MAGI1: variants seen among roughly 807,000 people sequenced by gnomAD.
The protein encoded by MAGI1 is membrane associated guanylate kinase, WW and PDZ domain containing 1, also known as membrane-associated guanylate kinase, WW and PDZ domain-containing protein 1.
MAGI1 carries 58 observed loss-of-function variants against 139.9 expected under a neutral mutation model. That is an observed-to-expected ratio of 0.41 (90% confidence interval 0.34 to 0.52). The LOEUF is 0.52. Among genes scored for constraint, MAGI1 ranks in the 20% least tolerant of loss-of-function variants. The pLI is 0.12. For synonymous variants in MAGI1, 812 were observed against 737.9 expected (o/e 1.10, Z -1.63); for missense variants, 1,874 against 1,901.6 (o/e 0.99, Z 0.27).
chr3:65,559,188 A>G (rs1203054258), intron 2 of MAGI1, among the ~76,000 whole-genome samples: 1 of 152,250 alleles, frequency 6.6e-6, no homozygotes, highest in African/African-American at 2.4e-5. Flanking sequence ...GAAGCTGAGC[A>G]TCTAAGGAAA....
chr3:66,008,256 G>C (rs186074422), intron 1 of MAGI1, among the ~76,000 whole-genome samples: 35 of 152,248 alleles, frequency 2.3e-4, no homozygotes, highest in African/African-American at 8.2e-4. Flanking sequence ...GCATCACGTG[G>C]GAGTTTGTTA....
chr3:65,867,384 G>C (rs2059766454), intron 1 of MAGI1, among the ~76,000 whole-genome samples: 2 of 152,174 alleles, frequency 1.3e-5, no homozygotes. Flanking sequence ...TTCCTAAAAA[G>C]TTAAGCTCCA....
chr3:65,851,525 G>A (rs2059203279), intron 1 of MAGI1, among the ~76,000 whole-genome samples: 2 of 152,090 alleles, frequency 1.3e-5, no homozygotes. Flanking sequence ...GAGGTGGGCG[G>A]ATCACTTGAG....
chr3:65,988,863 A>G (rs1440448554), intron 1 of MAGI1, among the ~76,000 whole-genome samples: 3 of 152,192 alleles, frequency 2.0e-5, no homozygotes, highest in Non-Finnish European at 4.4e-5. Flanking sequence ...TATTAACAAT[A>G]TTTTTATGCC....
chr3:65,758,472 T>A (rs1166271433), intron 1 of MAGI1, among the ~76,000 whole-genome samples: 4 of 152,192 alleles, frequency 2.6e-5, no homozygotes, highest in Non-Finnish European at 5.9e-5. Context: ...AAACTGCCCA[T>A]ACATTCCCGT....
At chr3:65,606,205 A>C (rs1261034702) in intron 2 of MAGI1, among the ~76,000 whole-genome samples, 2 of 152,218 alleles carry the variant, frequency 1.3e-5, no homozygotes, top group African/African-American at 4.8e-5. Flanking sequence ...TCACAAAGCC[A>C]GAGGACAGAA....
At chr3:65,435,534 T>C (rs1947787176) in intron 10 of MAGI1, among the ~76,000 whole-genome samples, 1 of 151,978 alleles carries the variant, frequency 6.6e-6, no homozygotes, top group African/African-American at 2.4e-5. Context: ...CACTCAATAA[T>C]AATGTCATCA....
At chr3:65,855,831 T>A (rs969004209) in intron 1 of MAGI1, among the ~76,000 whole-genome samples, 3 of 151,530 alleles carry the variant, frequency 2.0e-5, no homozygotes, top group African/African-American at 7.3e-5. Flanking sequence ...AAATGTGAAA[T>A]GAAGCCCTTC....
intron 4 of MAGI1, among the ~76,000 whole-genome samples, chr3:65,471,830 G>A (rs1950576624): frequency 6.6e-6 from 1 of 152,196 alleles, no homozygotes; most frequent in Non-Finnish European, 1.5e-5. Context: ...GAAGCCAGAG[G>A]TGGTCGCTTG....
chr3:65,775,450 A>G (rs189980066), intron 1 of MAGI1, among the ~76,000 whole-genome samples: 2 of 86,064 alleles, frequency 2.3e-5, no homozygotes, highest in African/African-American at 3.5e-5. Flanking sequence ...CCTTCTCTGG[A>G]AAAAAAAAAA....
chr3:65,819,559 A>T (rs2041815095), intron 1 of MAGI1, among the ~76,000 whole-genome samples: 1 of 151,926 alleles, frequency 6.6e-6, no homozygotes, highest in African/African-American at 2.4e-5. Flanking sequence ...AAATGCTGAA[A>T]TCCACCCCAG....
chr3:65,439,130 T>C (rs565253138), intron 9 of MAGI1, among the ~76,000 whole-genome samples: 2 of 152,222 alleles, frequency 1.3e-5, no homozygotes, highest in African/African-American at 4.8e-5. Flanking sequence ...AATAAACAAA[T>C]GGCTAAATAA....
intron 1 of MAGI1, among the ~76,000 whole-genome samples, chr3:65,766,838 G>A (rs1036643026): frequency 2.0e-5 from 3 of 151,762 alleles, no homozygotes; most frequent in East Asian, 2.0e-4. Context: ...GCAGTGAGCC[G>A]AGATCACACC....
intron 2 of MAGI1, among the ~76,000 whole-genome samples, chr3:65,602,595 TA>T (rs1339764321): frequency 6.6e-6 from 1 of 152,100 alleles, no homozygotes; most frequent in Non-Finnish European, 1.5e-5. Flanking sequence ...CTCGGGGTGA[TA>T]AAAACATTCT....
chr3:65,972,079 C>A (rs2065038817), intron 1 of MAGI1, among the ~76,000 whole-genome samples: 1 of 152,208 alleles, frequency 6.6e-6, no homozygotes, highest in Non-Finnish European at 1.5e-5. Flanking sequence ...GGCCCACCTT[C>A]CTCCAGCCTG....
intron 1 of MAGI1, among the ~76,000 whole-genome samples, chr3:65,702,360 A>G (rs2089673564): frequency 6.6e-6 from 1 of 152,190 alleles, no homozygotes; most frequent in Non-Finnish European, 1.5e-5. Flanking sequence ...CAATACTGCC[A>G]TAACCTTTAA....
At chr3:65,736,017 C>G (rs889714523) in intron 1 of MAGI1, among the ~76,000 whole-genome samples, 1 of 152,196 alleles carries the variant, frequency 6.6e-6, no homozygotes, top group Non-Finnish European at 1.5e-5. Context: ...ACATCTTCAT[C>G]TCTAAAGACA....
chr3:66,035,762 A>G (rs1175923680), intron 1 of MAGI1, among the ~76,000 whole-genome samples: 1 of 152,190 alleles, frequency 6.6e-6, no homozygotes, highest in Non-Finnish European at 1.5e-5. Context: ...CAATCTGTGC[A>G]CAAGGGGTGA....
At chr3:65,992,770 C>A (rs2066247208) in intron 1 of MAGI1, among the ~76,000 whole-genome samples, 1 of 152,140 alleles carries the variant, frequency 6.6e-6, no homozygotes, top group Non-Finnish European at 1.5e-5. Context: ...GGGGCAGAGA[C>A]TTTATCAGAA....
Sources: allele counts gnomAD v4.1 joint callset (sites outside exome capture counted in the v4.1 genomes callset), GRCh38; gene constraint gnomAD v4.1.1; transcripts MANE v1.5; gene names NCBI Gene and HGNC (gene_info 2026-07-23, HGNC 2026-07-21).